GAPVD1: variants seen among roughly 807,000 people sequenced by gnomAD.
GAPVD1 encodes the protein GTPase activating protein and VPS9 domains 1.
In GAPVD1, 35 loss-of-function variants were observed where a neutral mutation model predicts 155.5. That is an observed-to-expected ratio of 0.23 (90% CI 0.17 to 0.30). The LOEUF (loss-of-function observed/expected upper bound fraction) is 0.30. GAPVD1 is among the 10% of genes least tolerant of loss of function. The probability of loss-of-function intolerance (pLI) is 1.00; values close to 1 mark genes in which losing one functional copy is unlikely to be tolerated. For missense variants in GAPVD1, 1,429 were observed against 1,775.7 expected, an observed-to-expected ratio of 0.80 and a Z score of 3.51; for synonymous variants, 636 against 619.7, an observed-to-expected ratio of 1.03 and a Z score of -0.39.
At chr9:125,325,411 A>G (rs561055838) in intron 11 of GAPVD1, among the ~76,000 whole-genome samples, 2 of 148,302 alleles carry the variant, frequency 1.3e-5, no homozygotes, top group East Asian at 4.0e-4. Context: ...AGTCCCAGCT[A>G]CTCGGGAGGC....
At position 125,321,455 on chromosome 9, in the gene GAPVD1, A is replaced by T. The variant is rs189026355; in HGVS notation, c.1625A>T (p.Asp542Val). Residue 542 changes from aspartate to valine, a missense_variant, in exon 10 of 28, where the codon GAT (aspartate) becomes GTT (valine). Transcript: ENST00000297933. ...TAGGTCCTAAACATGCAGCTTTCGG[A>T]TGGAGGACAAGGAGATGTCCCTGTT... ...ENEVLNMQLSDGGQGDVPVDE... is the reference protein window; with the variant it reads ...ENEVLNMQLSVGGQGDVPVDE... 3 of 1,612,516 alleles carry T rather than the reference A, an allele frequency of 1.9e-6. No homozygotes were observed. The highest frequency in any genetic ancestry group is 1.7e-5 in the Admixed American group (1 of 59,872).
At chr9:125,288,112 ATT>A (rs368994271) in intron 2 of GAPVD1, among the ~76,000 whole-genome samples, 15 of 115,242 alleles carry the variant, frequency 1.3e-4, no homozygotes, top group Admixed American at 1.7e-4. Flanking sequence ...ATTTTAGTTA[ATT>A]TTTTTTTTTT....
At position 125,321,637 on chromosome 9, in the gene GAPVD1, AAATTAT is replaced by A. The variant is rs1168913692; in HGVS notation, c.1732+83_1732+88del. Reference sequence around the variant, plus strand: ...TTTTGTGTTTTTTAAAGGAGCTTATAAATTATAATTATACCATCTGTGCTTCTCACT... The same window carrying A: ...TTTTGTGTTTTTTAAAGGAGCTTATAAATTATACCATCTGTGCTTCTCACT... On this transcript the variant is annotated intron_variant, in intron 10 of 27. Coordinates refer to ENST00000297933, the MANE Select transcript of GAPVD1 (RefSeq NM_001282680.3). 5 of 1,336,008 alleles carry A rather than the reference AAATTAT, an allele frequency of 3.7e-6. No individual in the cohort carries two copies. The African/African-American group carries it at 7.2e-5, about 19-fold the overall frequency. The allele number at this position is 1,336,008 out of a possible 1,614,324, so 82.8% of individuals were successfully genotyped here.
intron 17 of GAPVD1, among the ~76,000 whole-genome samples, chr9:125,339,784 A>G (rs1295602592): frequency 6.6e-6 from 1 of 152,178 alleles, no homozygotes; most frequent in Non-Finnish European, 1.5e-5. Flanking sequence ...TGAGAAATCT[A>G]CTTTCACTAT....
rs780590608 is a variant in GAPVD1, at chr9:125,296,181, C to CT, written c.-33+622dup. Among the ~76,000 whole-genome samples the CT allele has an allele frequency of 1.5e-3, 206 of 140,150 alleles. 1 individual carries two copies. The highest frequency in any genetic ancestry group is 3.6e-3 in the Middle Eastern group (1 of 280). 91.9% of individuals were successfully genotyped at this position (140,150 alleles called of 152,430 possible). A position where few individuals can be genotyped will look rare whatever the true frequency, so the allele number is the denominator to read the frequency against. On this transcript the variant is annotated intron_variant, in intron 3 of 27. Coordinates refer to ENST00000297933, the MANE Select transcript of GAPVD1 (RefSeq NM_001282680.3). ...ATCCTAACACTTTCTTTCTTTCTTC[C>CT]TTTTTTTTTTTTTTTGAGAGAGAGT... is the stretch of plus-strand genomic sequence containing the variant.
In GAPVD1 at chr9:125,302,079, T is replaced by C; in HGVS notation, c.282T>C (p.Thr94=). 1.4e-5 allele frequency: 22 copies of C among 1,613,632 alleles called. No individual in the cohort carries two copies. Among genetic ancestry groups the C allele is most frequent in the Non-Finnish European group, 1.9e-5 (22 of 1,179,782 alleles). Residue 94 remains threonine (T), a synonymous_variant, in exon 5 of 28, where the codon ACT becomes ACC. Transcript: ENST00000297933. ...DGYKQLGFQE[T]AYGEFLSRLR... ...ATAAGCAATTGGGATTTCAGGAGAC[T>C]GCTTATGGAGAATTCTTGAGTCGAT...
rs1846241704 is a variant in GAPVD1, at chr9:125,332,552, A to T, written c.2351A>T (p.Asp784Val). Residue 784 changes from aspartate to valine, a missense_variant, in exon 15 of 28, where the codon GAC (aspartate) becomes GTC (valine). This residue lies in a region of GAPVD1 where 699 missense variants were observed against 826.0 expected (regional missense o/e 0.85). Coordinates refer to ENST00000297933, the MANE Select transcript of GAPVD1 (RefSeq NM_001282680.3). ...GAGGATATTCCCAATAAGATTGAAG[A>T]CCTGAGATCTGAGTGCAGCTCTGAT... ...TSEDIPNKIE[D>V]LRSECSSDFG... 2 of 1,604,934 alleles carry T rather than the reference A, an allele frequency of 1.2e-6. No homozygotes were observed. The highest frequency in any genetic ancestry group is 1.3e-5 in the African/African-American group (1 of 74,680).
At chr9:125,290,009 G>A (rs981940706) in intron 2 of GAPVD1, among the ~76,000 whole-genome samples, 3 of 152,168 alleles carry the variant, frequency 2.0e-5, no homozygotes, top group Non-Finnish European at 4.4e-5. Flanking sequence ...AAAGAGGAGA[G>A]AGGTCAACCA....
At chr9:125,332,971 A>T (rs571125805) in intron 15 of GAPVD1, among the ~76,000 whole-genome samples, 6 of 152,370 alleles carry the variant, frequency 3.9e-5, no homozygotes, top group Admixed American at 3.9e-4. Flanking sequence ...GAATTTATGT[A>T]GCTATTTTAA....
chr9:125,293,849 A>ATTTTATATATATATAAATATATT (rs1839163283), intron 2 of GAPVD1, among the ~76,000 whole-genome samples: 1 of 48,532 alleles, frequency 2.1e-5, no homozygotes, highest in African/African-American at 1.1e-4. Flanking sequence ...ATAAAAATAT[A>ATTTTATATATATATAAATATATT]TTTTATATAT....
At chr9:125,264,757 C>T (rs1282239819) in intron 1 of GAPVD1, among the ~76,000 whole-genome samples, 11 of 148,594 alleles carry the variant, frequency 7.4e-5, no homozygotes, top group East Asian at 4.0e-4. Context: ...CTCAGGCTGT[C>T]GCCCAGGCTG....
intron 26 of GAPVD1, 189 bp downstream of exon 26, chr9:125,359,681 A>C (rs1490685005): frequency 1.9e-6 from 1 of 535,108 alleles, no homozygotes; most frequent in African/African-American, 1.9e-5. Flanking sequence ...CCTGGTATGA[A>C]ATAGTAGAAA....
chr9:125,340,407 A>G (rs1294898004), intron 17 of GAPVD1, among the ~76,000 whole-genome samples: 1 of 152,172 alleles, frequency 6.6e-6, no homozygotes, highest in African/African-American at 2.4e-5. Context: ...TTGAGTCCTC[A>G]GCTGTGCCAC....
chr9:125,332,736 A>G, intron 15 of GAPVD1, 107 bp downstream of exon 15: 2 of 898,426 alleles, frequency 2.2e-6, no homozygotes, highest in Non-Finnish European at 3.5e-6. Context: ...GCACTTTGGG[A>G]CATACTTTGT....
At chr9:125,306,684 G>A (rs942282781) in intron 6 of GAPVD1, among the ~76,000 whole-genome samples, 1 of 152,136 alleles carries the variant, frequency 6.6e-6, no homozygotes, top group Non-Finnish European at 1.5e-5. Flanking sequence ...ATAGAGACAA[G>A]GTTTTGCCCT....
intron 2 of GAPVD1, among the ~76,000 whole-genome samples, chr9:125,288,703 A>C (rs999626981): frequency 7.2e-5 from 11 of 152,182 alleles, no homozygotes; most frequent in Admixed American, 3.3e-4. Flanking sequence ...TAGCAAGTAC[A>C]TACTGAAGTC....
intron 15 of GAPVD1, among the ~76,000 whole-genome samples, chr9:125,336,301 A>C (rs913189758): frequency 2.0e-5 from 3 of 151,056 alleles, no homozygotes; most frequent in Admixed American, 6.7e-5. Flanking sequence ...AAAAAAAAAA[A>C]AAAACAAAAA....
rs893672385 is a variant in GAPVD1, at chr9:125,299,358, A to G, written c.185+252A>G. Among the ~76,000 whole-genome samples, 6 of 152,314 alleles carry G rather than the reference A, an allele frequency of 3.9e-5. No homozygotes were observed. In the East Asian group the frequency reaches 5.8e-4, roughly 15 times the overall value. ...ACCAATTGGTTTTGTGTCTTTGTCTATATAAAATGTTATTGTTGGCTGGGC... is the reference window on the plus strand; with the variant it reads ...ACCAATTGGTTTTGTGTCTTTGTCTGTATAAAATGTTATTGTTGGCTGGGC... On this transcript the variant is annotated intron_variant, in intron 4 of 27. Transcript: ENST00000297933.
chr9:125,316,411 T>A (rs530875281), intron 9 of GAPVD1, among the ~76,000 whole-genome samples: 27 of 152,148 alleles, frequency 1.8e-4, no homozygotes, highest in Non-Finnish European at 3.5e-4. Flanking sequence ...CTCCCACTTA[T>A]GAGGGAGAAC....
Sources: allele counts gnomAD v4.1 joint callset (sites outside exome capture counted in the v4.1 genomes callset), GRCh38; gene constraint gnomAD v4.1.1; regional missense constraint gnomAD v4.1.1; transcripts MANE v1.5; gene names NCBI Gene and HGNC (gene_info 2026-07-23, HGNC 2026-07-21).